UMAD1: variants seen among roughly 807,000 people sequenced by gnomAD.
UMAD1 encodes the protein UBAP1-MVB12-associated (UMA) domain containing 1.
UMAD1 carries 8 observed loss-of-function variants against 6.1 expected under a neutral mutation model. The observed-to-expected ratio is 1.30, with a 90% CI of 0.76 to 2.35. UMAD1 has a LOEUF of 2.35. Ranked by LOEUF, UMAD1 falls within the 30% of genes most tolerant of loss-of-function variation. UMAD1 has a pLI of 0.00. For missense variants in UMAD1, 130 were observed against 78.4 expected, an observed-to-expected ratio of 1.66 and a Z score of -2.49; for synonymous variants, 56 against 31.4, an observed-to-expected ratio of 1.78 and a Z score of -2.61.
chr7:7,681,659 G>C (rs1366447977), intron 2 of UMAD1, among the ~76,000 whole-genome samples: 1 of 151,982 alleles, frequency 6.6e-6, no homozygotes, highest in Non-Finnish European at 1.5e-5. Flanking sequence ...ACAAATTGCA[G>C]TTTTCATTTG....
chr7:7,819,557 A>G (rs1163777572), intron 3 of UMAD1, among the ~76,000 whole-genome samples: 1 of 152,210 alleles, frequency 6.6e-6, no homozygotes. Context: ...TTTGAGTTGG[A>G]TAAAGCTACG....
At chr7:7,700,669 C>T (rs1320479825) in intron 2 of UMAD1, among the ~76,000 whole-genome samples, 2 of 152,194 alleles carry the variant, frequency 1.3e-5, no homozygotes, top group Non-Finnish European at 2.9e-5. Context: ...GAGCAGATCA[C>T]CCAAGGTCAG....
At chr7:7,749,326 G>C (rs898230458) in intron 2 of UMAD1, among the ~76,000 whole-genome samples, 1 of 152,172 alleles carries the variant, frequency 6.6e-6, no homozygotes, top group African/African-American at 2.4e-5. Flanking sequence ...TGAGAGTACA[G>C]TATGGTTTAA....
chr7:7,730,185 T>A (rs905213489), intron 2 of UMAD1, among the ~76,000 whole-genome samples: 27 of 152,238 alleles, frequency 1.8e-4, no homozygotes, highest in Non-Finnish European at 2.6e-4. Context: ...TGTGGTCTTT[T>A]CTCATCACTT....
At chr7:7,741,310 G>A (rs1466302004) in intron 2 of UMAD1, among the ~76,000 whole-genome samples, 2 of 151,494 alleles carry the variant, frequency 1.3e-5, no homozygotes, top group Non-Finnish European at 2.9e-5. Context: ...GGTGGCTCAC[G>A]CCTGTAATCC....
intron 3 of UMAD1, among the ~76,000 whole-genome samples, chr7:7,839,166 A>G (rs1249660071): frequency 1.3e-5 from 2 of 152,194 alleles, no homozygotes; most frequent in Non-Finnish European, 2.9e-5. Context: ...AATAAATTAC[A>G]CAGTGGGGAT....
rs33966398 is a variant in UMAD1 at position 7,779,283 on chromosome 7, C to CTT, written c.83-22380_83-22379dup. On this transcript the variant is annotated intron_variant, in intron 2 of 3. Transcript: ENST00000682710. ...AATTGATATAAACAGGAAGAAAAAT[C>CTT]TTTTTTTTAAAAAGAGATAGTCTAG... Among the ~76,000 whole-genome samples, 116 of 151,206 alleles carry CTT rather than the reference C, an allele frequency of 7.7e-4. 1 individual carries two copies. Among genetic ancestry groups the CTT allele is most frequent in the African/African-American group, 2.3e-3 (94 of 41,182 alleles).
chr7:7,702,954 G>A (rs1780499277), intron 2 of UMAD1, among the ~76,000 whole-genome samples: 1 of 152,172 alleles, frequency 6.6e-6, no homozygotes. Flanking sequence ...TCATTCTCCA[G>A]TCCTGTTGTC....
intron 3 of UMAD1, among the ~76,000 whole-genome samples, chr7:7,803,355 G>A (rs1366937325): frequency 2.0e-5 from 3 of 152,124 alleles, no homozygotes; most frequent in Non-Finnish European, 2.9e-5. Flanking sequence ...CATGCCTGTA[G>A]TCCCAGCTAC....
At chr7:7,844,504 T>C (rs541560677) in intron 3 of UMAD1, among the ~76,000 whole-genome samples, 2 of 152,264 alleles carry the variant, frequency 1.3e-5, no homozygotes, top group Non-Finnish European at 2.9e-5. Context: ...GTGACTGGCG[T>C]TGGTAGTATC....
chr7:7,708,712 A>C (rs971223989), intron 2 of UMAD1, among the ~76,000 whole-genome samples: 1 of 152,196 alleles, frequency 6.6e-6, no homozygotes, highest in African/African-American at 2.4e-5. Context: ...ATTAGTAAAT[A>C]AGCTGATTTG....
chr7:7,734,630 G>A (rs749744173), intron 2 of UMAD1, among the ~76,000 whole-genome samples: 2 of 152,048 alleles, frequency 1.3e-5, no homozygotes, highest in Non-Finnish European at 2.9e-5. Context: ...AGATCACAAG[G>A]AATTTTGTTA....
intron 2 of UMAD1, among the ~76,000 whole-genome samples, chr7:7,713,857 G>GTC (rs1306744423): frequency 6.6e-6 from 1 of 151,902 alleles, no homozygotes; most frequent in Non-Finnish European, 1.5e-5. Context: ...TAGAGGCAGG[G>GTC]TCTCACTCTG....
chr7:7,645,964 C>G (rs907607856), intron 1 of UMAD1, among the ~76,000 whole-genome samples: 1 of 152,050 alleles, frequency 6.6e-6, no homozygotes, highest in East Asian at 1.9e-4. Context: ...GGGTGTGGCT[C>G]GTTTGCTCGG....
intron 2 of UMAD1, among the ~76,000 whole-genome samples, chr7:7,728,373 C>G (rs943488911): frequency 2.6e-5 from 4 of 152,164 alleles, no homozygotes; most frequent in African/African-American, 7.2e-5. Flanking sequence ...AGGCCGGGCA[C>G]AGTGGCTCAC....
At chr7:7,714,209 CTT>C (rs1443375510) in intron 2 of UMAD1, among the ~76,000 whole-genome samples, 1 of 152,174 alleles carries the variant, frequency 6.6e-6, no homozygotes, top group Non-Finnish European at 1.5e-5. Context: ...GCATATCAGT[CTT>C]AACTGACCTC....
Position 7,657,682 on chromosome 7 carries a change from G to A in UMAD1, c.-63-15627G>A, listed in dbSNP as rs370942954. ...TTCCATTGGTGTATATCTCTGTTTTGGTACCCATACCATGCTGTTTTGGTT... is the reference window on the plus strand; with the variant it reads ...TTCCATTGGTGTATATCTCTGTTTTAGTACCCATACCATGCTGTTTTGGTT... On this transcript the variant is annotated intron_variant, in intron 1 of 3. Coordinates refer to ENST00000682710, the MANE Select transcript of UMAD1 (RefSeq NM_001302348.2). 3.6e-4 allele frequency among the ~76,000 whole-genome samples: 54 copies of A among 151,974 alleles called. 3 individuals carry two copies. The South Asian group carries it at 0.011, about 31-fold the overall frequency.
intron 3 of UMAD1, among the ~76,000 whole-genome samples, chr7:7,853,789 A>G (rs567782096): frequency 6.0e-4 from 91 of 152,206 alleles, no homozygotes; most frequent in African/African-American, 2.2e-3. Context: ...TTAGATAACT[A>G]TTATTATTGT....
chr7:7,652,560 T>C (rs1785248107), intron 1 of UMAD1, among the ~76,000 whole-genome samples: 1 of 152,222 alleles, frequency 6.6e-6, no homozygotes, highest in Admixed American at 6.5e-5. Context: ...ACTTAGCACC[T>C]TGCTTTGTGC....
Sources: gnomAD v4.1 joint callset for allele counts (sites outside exome capture counted in the v4.1 genomes callset) on GRCh38, gnomAD v4.1.1 for gene constraint, MANE v1.5 for transcripts, NCBI Gene and HGNC (gene_info 2026-07-23, HGNC 2026-07-21) for gene names.